Variants in SLC4A1AP observed in about 807,000 individuals in gnomAD.
SLC4A1AP encodes kanadaptin.
In SLC4A1AP, 64 loss-of-function variants were observed where a neutral mutation model predicts 89.7. That is an observed-to-expected ratio of 0.71 (90% confidence interval 0.58 to 0.88). SLC4A1AP has a LOEUF of 0.88. Among genes scored for constraint, SLC4A1AP ranks in the 40% least tolerant of loss-of-function variants. SLC4A1AP has a pLI of 0.00. For missense variants in SLC4A1AP, 931 were observed against 965.0 expected (o/e 0.96, Z 0.47); for synonymous variants, 366 against 353.3 (o/e 1.04, Z -0.40).
intron 5 of SLC4A1AP, among the ~76,000 whole-genome samples, chr2:27,673,325 TTTC>T (rs1315702611): frequency 6.0e-3 from 15 of 2,516 alleles, no homozygotes; most frequent in Admixed American, 0.05. Flanking sequence ...TCTCTCTCTC[TTTC>T]TTTTCTTTCT....
In SLC4A1AP at chr2:27,683,055, A is replaced by G. The variant is rs1488578211; in HGVS notation, c.1875+696A>G. 2.0e-5 allele frequency among the ~76,000 whole-genome samples: 3 copies of G among 152,166 alleles called. No individual in the cohort carries two copies. In the East Asian group the frequency reaches 5.8e-4, roughly 29 times the overall value. ...TAGTGTGTGCACTTGCCTCTGCCAT[A>G]TGATTTTTCTTCATTTAATCCTTCC... On this transcript the variant is annotated intron_variant, in intron 9 of 13. Transcript: ENST00000613058.
exon 9 of SLC4A1AP, chr2:27,682,331 A>G (rs1675632209): frequency 1.2e-6 from 2 of 1,613,334 alleles, no homozygotes; most frequent in Admixed American, 1.7e-5. Context: ...GGAGGAAGCA[A>G]ATTCAAATTA....
At chr2:27,691,427 CTTCTT>C (rs1401307031) in intron 12 of SLC4A1AP, 3 of 151,824 alleles carry the variant, frequency 2.0e-5, no homozygotes, top group South Asian at 2.1e-4. Context: ...AATATAGAAT[CTTCTT>C]TTCTTGTCTA....
chr2:27,677,295 G>C (rs767952214), exon 7 of SLC4A1AP: 10 of 1,608,870 alleles, frequency 6.2e-6, no homozygotes, highest in South Asian at 3.3e-5. Flanking sequence ...GGTGTTACAG[G>C]TTGCAAAATT....
At chr2:27,675,577 A>C (rs749050264) in exon 6 of SLC4A1AP, 1 of 1,607,424 alleles carries the variant, frequency 6.2e-7, no homozygotes, top group Admixed American at 1.7e-5. Flanking sequence ...GAAGACTTTT[A>C]TGATAGTGAT....
chr2:27,693,627 T>G, intron 12 of SLC4A1AP, 58 bp from the exon 13 acceptor site: 2 of 1,401,262 alleles, frequency 1.4e-6, no homozygotes, highest in Non-Finnish European at 2.0e-6. Context: ...CCTTCTGCAG[T>G]TGTAAGGTTT....
chr2:27,668,303 C>T (rs951945411), intron 3 of SLC4A1AP, among the ~76,000 whole-genome samples: 1 of 152,162 alleles, frequency 6.6e-6, no homozygotes, highest in African/African-American at 2.4e-5. Context: ...CGCCCGCCAC[C>T]ACGCCCGGCT....
chr2:27,680,918 C>G (rs978694123), intron 8 of SLC4A1AP, among the ~76,000 whole-genome samples: 8 of 151,010 alleles, frequency 5.3e-5, no homozygotes, highest in Non-Finnish European at 1.0e-4. Flanking sequence ...TGTGTGCTTG[C>G]CTGGTTTTTC....
intron 5 of SLC4A1AP, 32 bp downstream of exon 5, chr2:27,669,419 T>C: frequency 1.4e-6 from 2 of 1,447,752 alleles, no homozygotes; most frequent in Non-Finnish European, 1.8e-6. Context: ...TTTTCTAGAT[T>C]TAAAAAAAGG....
Position 27,680,786 on chromosome 2 carries a change from AAACAACAACAACAAC to A in SLC4A1AP, c.1764-1442_1764-1428del, listed in dbSNP as rs34406797. ...AACAAAAACAAATCTCTGCTTTGGAAAACAACAACAACAACAACAACAACAACAACAACATTTGGG... is the reference window on the plus strand; with the variant it reads ...AACAAAAACAAATCTCTGCTTTGGAAAACAACAACAACAACAACATTTGGG... On this transcript the variant is annotated intron_variant, in intron 8 of 13. Transcript: ENST00000613058. 2.1e-4 allele frequency among the ~76,000 whole-genome samples: 31 copies of A among 147,480 alleles called. No individual in the cohort carries two copies. In the South Asian group the frequency reaches 6.1e-3, roughly 29 times the overall value.
At position 27,666,421 on chromosome 2, in the gene SLC4A1AP, C is replaced by G. The variant is rs199630079; in HGVS notation, c.1022-847C>G. Among the ~76,000 whole-genome samples, 16 of 140,586 alleles carry G rather than the reference C, an allele frequency of 1.1e-4. No homozygotes were observed. In the East Asian group the frequency reaches 3.6e-3, roughly 32 times the overall value. The allele number at this position is 140,586 out of a possible 152,430, so 92.2% of individuals were successfully genotyped here. ...TGTAGAGATTACAGGCGTGAGCGAT[C>G]GCACTCCACAGGGAAGCTTTATGAG... On this transcript the variant is annotated intron_variant, in intron 2 of 13. Transcript: ENST00000613058.
At chr2:27,665,611 A>G (rs946772128) in intron 2 of SLC4A1AP, among the ~76,000 whole-genome samples, 2 of 152,222 alleles carry the variant, frequency 1.3e-5, no homozygotes, top group African/African-American at 4.8e-5. Context: ...ACCTTGTGCT[A>G]TGTGATTATC....
intron 5 of SLC4A1AP, among the ~76,000 whole-genome samples, chr2:27,671,909 A>G (rs896178726): frequency 2.0e-5 from 3 of 152,242 alleles, no homozygotes; most frequent in South Asian, 2.1e-4. Flanking sequence ...TTCTGAAAAT[A>G]TAATTATTGT....
intron 13 of SLC4A1AP, among the ~76,000 whole-genome samples, chr2:27,694,096 C>G (rs1675833373): frequency 6.6e-6 from 1 of 152,028 alleles, no homozygotes; most frequent in Non-Finnish European, 1.5e-5. Flanking sequence ...TTTACCAAGT[C>G]AAAAGAAAGG....
intron 9 of SLC4A1AP, among the ~76,000 whole-genome samples, chr2:27,684,080 C>G (rs146344399): frequency 1.3e-5 from 2 of 152,108 alleles, no homozygotes; most frequent in East Asian, 1.9e-4. Context: ...AAATAGAAAA[C>G]TTTTTACTAA....
chr2:27,687,965 G>T, exon 11 of SLC4A1AP: 1 of 1,613,840 alleles, frequency 6.2e-7, no homozygotes, highest in Non-Finnish European at 8.5e-7. Flanking sequence ...AGGAAGAACA[G>T]AATAAAGATT....
chr2:27,670,966 C>T (rs1226902004), intron 5 of SLC4A1AP, among the ~76,000 whole-genome samples: 1 of 147,228 alleles, frequency 6.8e-6, no homozygotes. Flanking sequence ...CTCTGTCACC[C>T]AGACTGGAGT....
chr2:27,672,321 A>G (rs183206681), intron 5 of SLC4A1AP, among the ~76,000 whole-genome samples: 28 of 147,830 alleles, frequency 1.9e-4, no homozygotes, highest in Non-Finnish European at 3.8e-4. Context: ...TTTCATCTGT[A>G]TGTCTTTTCC....
At chr2:27,667,939 CTG>C (rs1318618085) in intron 3 of SLC4A1AP, among the ~76,000 whole-genome samples, 3 of 152,000 alleles carry the variant, frequency 2.0e-5, no homozygotes, top group Non-Finnish European at 4.4e-5. Flanking sequence ...AACCAGGCAA[CTG>C]TGTTAAAATA....
Sources: gnomAD v4.1 joint callset for allele counts (sites outside exome capture counted in the v4.1 genomes callset) on GRCh38, gnomAD v4.1.1 for gene constraint, MANE v1.5 for transcripts, NCBI Gene and HGNC (gene_info 2026-07-23, HGNC 2026-07-21) for gene names.